The following FMNL2 variants were observed in gnomAD, a reference collection of about 807,000 sequenced individuals.
FMNL2 encodes formin-like protein 2.
Under a neutral mutation model 130.2 loss-of-function variants are expected in FMNL2, and 51 were observed. That is an observed-to-expected ratio of 0.39 (90% confidence interval 0.31 to 0.49). The LOEUF (loss-of-function observed/expected upper bound fraction) is 0.49, where lower values mean the gene tolerates loss of function less well. FMNL2 is among the 20% of genes least tolerant of loss of function. The probability of loss-of-function intolerance (pLI) is 0.85; values close to 1 mark genes in which losing one functional copy is unlikely to be tolerated. For missense variants in FMNL2, 977 were observed against 1,316.2 expected, an observed-to-expected ratio of 0.74 and a Z score of 3.99; for synonymous variants, 465 against 467.1, an observed-to-expected ratio of 1.00 and a Z score of 0.06.
At chr2:152,456,018 A>G (rs1688936135) in intron 1 of FMNL2, among the ~76,000 whole-genome samples, 1 of 152,230 alleles carries the variant, frequency 6.6e-6, no homozygotes, top group African/African-American at 2.4e-5. Flanking sequence ...ACCTGGCTTC[A>G]TATTTTTCTT....
intron 1 of FMNL2, among the ~76,000 whole-genome samples, chr2:152,483,242 T>G (rs1690631125): frequency 6.6e-6 from 1 of 152,106 alleles, no homozygotes. Flanking sequence ...AATTTCCAAG[T>G]TCATGTCTGT....
chr2:152,490,603 G>C (rs1691107767), intron 1 of FMNL2, among the ~76,000 whole-genome samples: 2 of 150,848 alleles, frequency 1.3e-5, no homozygotes, highest in South Asian at 4.2e-4. Flanking sequence ...GTGTGTGTGT[G>C]TGTGTGTGTG....
chr2:152,612,588 A>C (rs1290472247), intron 11 of FMNL2, among the ~76,000 whole-genome samples: 2 of 152,172 alleles, frequency 1.3e-5, no homozygotes, highest in Non-Finnish European at 2.9e-5. Context: ...GGAATGGTCT[A>C]GTGATAGAGC....
chr2:152,558,648 G>T, intron 4 of FMNL2, 92 bp from the exon 5 acceptor site: 1 of 1,161,254 alleles, frequency 8.6e-7, no homozygotes, highest in Non-Finnish European at 1.2e-6. Context: ...GAAAGTTTCT[G>T]GTGGAAAAAA....
At position 152,341,311 on chromosome 2, in the gene FMNL2, T is replaced by C. The variant is rs1352609557; in HGVS notation, c.117+5591T>C. On this transcript the variant is annotated intron_variant, in intron 1 of 25. Coordinates refer to ENST00000288670, the MANE Select transcript of FMNL2 (RefSeq NM_052905.4). ...CTGTTATCATTATCAGGATGCATTT[T>C]TTCCTCCTAATAATACCAGTAAAAA... Among the ~76,000 whole-genome samples the C allele has an allele frequency of 2.6e-5, 4 of 152,336 alleles. No individual in the cohort carries two copies. The East Asian group carries it at 7.7e-4, about 29-fold the overall frequency.
intron 18 of FMNL2, among the ~76,000 whole-genome samples, chr2:152,629,282 T>C (rs1313979236): frequency 6.6e-6 from 1 of 152,192 alleles, no homozygotes. Context: ...GCCTCCTTCA[T>C]TGATTTAAAA....
intron 1 of FMNL2, among the ~76,000 whole-genome samples, chr2:152,446,810 A>T (rs1489747079): frequency 6.6e-6 from 1 of 152,198 alleles, no homozygotes; most frequent in Non-Finnish European, 1.5e-5. Flanking sequence ...ATTTTTCTGT[A>T]TACCATTATA....
chr2:152,445,721 G>C (rs887809992), intron 1 of FMNL2, among the ~76,000 whole-genome samples: 8 of 152,156 alleles, frequency 5.3e-5, no homozygotes, highest in African/African-American at 1.2e-4. Context: ...TTTCTTACAA[G>C]TTCCCAGGTG....
intron 18 of FMNL2, among the ~76,000 whole-genome samples, chr2:152,629,122 T>A (rs1681994025): frequency 6.6e-6 from 1 of 152,036 alleles, no homozygotes; most frequent in Non-Finnish European, 1.5e-5. Context: ...CTAAATAGAC[T>A]TTGTTACTGA....
intron 1 of FMNL2, among the ~76,000 whole-genome samples, chr2:152,500,038 A>C (rs562075284): frequency 6.6e-6 from 1 of 152,264 alleles, no homozygotes; most frequent in East Asian, 1.9e-4. Context: ...CCCCTGAAGC[A>C]ATGCTGGGTT....
At chr2:152,398,523 T>C (rs146884440) in intron 1 of FMNL2, among the ~76,000 whole-genome samples, 313 of 152,348 alleles carry the variant, frequency 2.1e-3, no homozygotes, top group African/African-American at 7.3e-3. Flanking sequence ...AAACTGATGA[T>C]TTTTGGATGA....
At chr2:152,602,764 G>T (rs1412342998) in intron 9 of FMNL2, among the ~76,000 whole-genome samples, 5 of 152,194 alleles carry the variant, frequency 3.3e-5, no homozygotes, top group Admixed American at 1.3e-4. Context: ...CTGGCTCTTA[G>T]AAACGTTTTG....
At chr2:152,364,527 A>G (rs1484725659) in intron 1 of FMNL2, among the ~76,000 whole-genome samples, 1 of 152,132 alleles carries the variant, frequency 6.6e-6, no homozygotes, top group East Asian at 1.9e-4. Context: ...TCTTGAGACA[A>G]TCTAGTGCAA....
chr2:152,389,315 T>C (rs1019974311), intron 1 of FMNL2, among the ~76,000 whole-genome samples: 43 of 152,204 alleles, frequency 2.8e-4, no homozygotes, highest in Non-Finnish European at 1.6e-4. Context: ...ATCCTTCTGC[T>C]GTATCTTCAT....
At chr2:152,361,294 A>G (rs16830977) in intron 1 of FMNL2, among the ~76,000 whole-genome samples, 13,421 of 152,212 alleles carry the variant, frequency 0.088, 666 homozygotes, top group African/African-American at 0.14. Flanking sequence ...GATATGGTCA[A>G]CTTAATTTTT....
chr2:152,532,372 A>G (rs767258807), intron 2 of FMNL2, among the ~76,000 whole-genome samples: 2 of 152,118 alleles, frequency 1.3e-5, no homozygotes, highest in African/African-American at 4.8e-5. Flanking sequence ...TTGCATTCCT[A>G]CCAGCGATGT....
intron 1 of FMNL2, among the ~76,000 whole-genome samples, chr2:152,352,113 G>A (rs188058920): frequency 6.6e-6 from 1 of 152,284 alleles, no homozygotes; most frequent in Admixed American, 6.5e-5. Context: ...GTATCTTCCT[G>A]CTTGCCAGTA....
chr2:152,409,024 G>A (rs1228724437), intron 1 of FMNL2, among the ~76,000 whole-genome samples: 1 of 148,030 alleles, frequency 6.8e-6, no homozygotes, highest in Non-Finnish European at 1.5e-5. Flanking sequence ...TGGTTAAGAG[G>A]GAAGAAGGGT....
chr2:152,505,802 C>G (rs2105341083), intron 1 of FMNL2, among the ~76,000 whole-genome samples: 1 of 152,298 alleles, frequency 6.6e-6, no homozygotes, highest in South Asian at 2.1e-4. Flanking sequence ...TCTTGCTTAG[C>G]TAGTAATACA....
Sources: gnomAD v4.1 joint callset for allele counts (sites outside exome capture counted in the v4.1 genomes callset) on GRCh38, gnomAD v4.1.1 for gene constraint, MANE v1.5 for transcripts, NCBI Gene and HGNC (gene_info 2026-07-23, HGNC 2026-07-21) for gene names.